The following ZFR2 variants were observed in gnomAD, a reference collection of about 807,000 sequenced individuals.
The protein encoded by ZFR2 is zinc finger RNA-binding protein 2.
Under a neutral mutation model 105.7 loss-of-function variants are expected in ZFR2, and 104 were observed. That is an observed-to-expected ratio of 0.98 (90% CI 0.84 to 1.16). The LOEUF is 1.16. Ranked by LOEUF, ZFR2 falls within the 50% of genes most tolerant of loss-of-function variation. ZFR2 has a pLI of 0.00. For synonymous variants in ZFR2, 634 were observed against 597.7 expected, an observed-to-expected ratio of 1.06 and a Z score of -0.89; for missense variants, 1,425 against 1,355.5, an observed-to-expected ratio of 1.05 and a Z score of -0.80.
rs755593404 is a variant in ZFR2, at chr19:3,820,249, G to T, written c.1673C>A (p.Ala558Glu). The T allele has an allele frequency of 1.3e-5, 20 of 1,548,484 alleles. No individual in the cohort carries two copies. Among genetic ancestry groups the T allele is most frequent in the Non-Finnish European group, 1.7e-5 (20 of 1,146,608 alleles). The change falls in exon 11 of 19, where the codon GCG becomes GAG. Residue 558 changes from alanine (A) to glutamate (E), a missense_variant. Physicochemically the swap from Ala to Glu is moderately radical, Grantham distance 107 (BLOSUM62 -1). Coordinates refer to ENST00000262961, the MANE Select transcript of ZFR2 (RefSeq NM_015174.2). ...EEPPQDVPPH[A>E]PPDWAQPLLM... The stretch of plus-strand genomic sequence containing the variant: ...CAGAGGCTGGGCCCAGTCGGGCGGC[G>T]CGTGGGGCGGCACGTCCTGGGGTGG...
Position 3,838,569 on chromosome 19 carries a change from T to A in ZFR2, c.54-3586A>T, listed in dbSNP as rs1287319660. The stretch of plus-strand genomic sequence containing the variant: ...TCCTGGCAGCCAGAGAGGGGTCTTT[T>A]CAAAGTACAGCCCTAACCATGCCAT... On this transcript the variant is annotated intron_variant, in intron 1 of 18. Coordinates refer to ENST00000262961, the MANE Select transcript of ZFR2 (RefSeq NM_015174.2). The surrounding 1 kb of genome is among the most constrained non-coding windows in gnomAD (Gnocchi z 4.9). Among the ~76,000 whole-genome samples, 1 of 152,020 alleles carries A rather than the reference T, an allele frequency of 6.6e-6. No individual in the cohort carries two copies. The highest frequency in any genetic ancestry group is 1.5e-5 in the Non-Finnish European group (1 of 67,990).
At chr19:3,852,585 A>G in intron 1 of ZFR2, 1 of 718,622 alleles carries the variant, frequency 1.4e-6, no homozygotes, top group Non-Finnish European at 2.6e-6. Flanking sequence ...CCCAGATGCA[A>G]GGGCCGGGGG....
chr19:3,806,035 G>C lies in ZFR2; in HGVS notation c.2734C>G (p.Arg912Gly), dbSNP rs552791449. The C allele has an allele frequency of 1.3e-6, 2 of 1,541,942 alleles. No homozygotes were observed. Among genetic ancestry groups the C allele is most frequent in the South Asian group, 2.4e-5 (2 of 83,478 alleles). Residue 912 changes from arginine (R) to glycine (G), a missense_variant, in exon 19 of 19, where the codon CGG becomes GGG. Arg to Gly is a moderately radical substitution (Grantham distance 125). Transcript: ENST00000262961. ...TCGCCAGGTCCCCGTTGCCTCTTCC[G>C]GAAGCGGGCCCCCAGCCGGTGTCTG... ...PPRHRLGARF[R>G]KRQRGPGEGE...
intron 1 of ZFR2, among the ~76,000 whole-genome samples, chr19:3,849,607 C>G (rs2038215974): frequency 6.6e-6 from 1 of 152,220 alleles, no homozygotes; most frequent in Non-Finnish European, 1.5e-5. Flanking sequence ...AGCTCAATGC[C>G]AGGGCGTAGC....
At chr19:3,822,690 T>G (rs1372356984) in intron 8 of ZFR2, among the ~76,000 whole-genome samples, 1 of 152,132 alleles carries the variant, frequency 6.6e-6, no homozygotes, top group East Asian at 1.9e-4. Flanking sequence ...TGCTCCAGCC[T>G]CGGTGACACA....
chr19:3,839,405 T>A (rs1220317775), intron 1 of ZFR2, among the ~76,000 whole-genome samples: 1 of 151,442 alleles, frequency 6.6e-6, no homozygotes, highest in Non-Finnish European at 1.5e-5. Flanking sequence ...TGGTGGTGGG[T>A]GCCTGTAGTC....
intron 4 of ZFR2, 27 bp from the exon 5 acceptor site, chr19:3,831,583 G>A (rs1467364296): frequency 1.6e-5 from 25 of 1,542,596 alleles, no homozygotes; most frequent in East Asian, 1.4e-4. Flanking sequence ...ACAATGAGTC[G>A]GGGGGAGATG....
chr19:3,862,391 G>A (rs891782755), intron 1 of ZFR2, among the ~76,000 whole-genome samples: 3 of 152,098 alleles, frequency 2.0e-5, no homozygotes, highest in Non-Finnish European at 4.4e-5. Flanking sequence ...TCCACCTCCC[G>A]GATTCAAGCG....
At chr19:3,821,074 C>T (rs972645706) in intron 10 of ZFR2, among the ~76,000 whole-genome samples, 13 of 152,158 alleles carry the variant, frequency 8.5e-5, no homozygotes, top group South Asian at 2.1e-4. Flanking sequence ...TGTGGTCCAG[C>T]GAGTTGGCCG....
Position 3,819,381 on chromosome 19 carries a change from G to A in ZFR2, c.1741-146C>T. On this transcript the variant is annotated intron_variant, in intron 11 of 18. Transcript: ENST00000262961. ...CAGGTGAGAATCCAGTGCACACAGA[G>A]AGCCCCGGGGTGGGGAACAGGGAAG... 9.4e-6 allele frequency: 8 copies of A among 849,808 alleles called. No homozygotes were observed. The South Asian group carries it at 1.5e-4, about 16-fold the overall frequency. The allele number at this position is 849,808 out of a possible 1,614,324, so 52.6% of individuals were successfully genotyped here.
chr19:3,846,072 G>A (rs775506284), intron 1 of ZFR2, among the ~76,000 whole-genome samples: 37 of 152,358 alleles, frequency 2.4e-4, no homozygotes, highest in Non-Finnish European at 4.3e-4. Flanking sequence ...TGCCCCCCAG[G>A]TTCAAGTGAT....
chr19:3,825,457 T>C (rs1409909894), intron 6 of ZFR2, 50 bp from the exon 7 acceptor site: 1 of 1,518,438 alleles, frequency 6.6e-7, no homozygotes, highest in Non-Finnish European at 8.8e-7. Flanking sequence ...CCCAGCCTGA[T>C]GGCCTTTTTC....
chr19:3,864,875 G>A (rs2038412769), intron 1 of ZFR2, among the ~76,000 whole-genome samples: 1 of 152,044 alleles, frequency 6.6e-6, no homozygotes. Context: ...AGCCTCCCAA[G>A]TAGCTAGGAT....
Position 3,819,155 on chromosome 19 carries a change from G to C in ZFR2, c.1821C>G (p.Leu607=). Residue 607 remains leucine (L), a synonymous_variant, in exon 12 of 19, where the codon CTC becomes CTG. Coordinates refer to ENST00000262961, the MANE Select transcript of ZFR2 (RefSeq NM_015174.2). ...HATIYPTEQE[L]LAVQRAVSHA... ...GGGACACGGCCCTCTGCACGGCCAG[G>C]AGCTCCTGCTCCGTGGGGTAGATGG... 1 of 1,606,554 alleles carries C rather than the reference G, an allele frequency of 6.2e-7. No individual in the cohort carries two copies. Among genetic ancestry groups the C allele is most frequent in the Non-Finnish European group, 8.5e-7 (1 of 1,178,692 alleles).
chr19:3,835,490 C>CTT (rs35786970), intron 1 of ZFR2, among the ~76,000 whole-genome samples: 1 of 143,660 alleles, frequency 7.0e-6, no homozygotes. Context: ...CACGCCCAGC[C>CTT]TTTTTTTTTT....
At position 3,810,779 on chromosome 19, in the gene ZFR2, C is replaced by A. The variant is rs1240320381; in HGVS notation, c.2404G>T (p.Val802Leu). 4.5e-6 allele frequency: 7 copies of A among 1,550,050 alleles called. No individual in the cohort carries two copies. Among genetic ancestry groups the A allele is most frequent in the Admixed American group, 2.0e-5 (1 of 50,974 alleles). ...IRVLRDLCRR[V>L]PTWGALPAWA... ...GCTGGCAGGGCCCCCCAGGTGGGCA[C>A]ACGCCGGCAGAGGTCCCTCAGGACC... is the stretch of plus-strand genomic sequence containing the variant. Residue 802 changes from valine (V) to leucine (L), a missense_variant, in exon 16 of 19, where the codon GTG (valine) becomes TTG (leucine). Coordinates refer to ENST00000262961, the MANE Select transcript of ZFR2 (RefSeq NM_015174.2).
At chr19:3,854,205 C>T (rs1230846839) in intron 1 of ZFR2, among the ~76,000 whole-genome samples, 4 of 151,502 alleles carry the variant, frequency 2.6e-5, no homozygotes, top group Non-Finnish European at 5.9e-5. Context: ...GCCTGGCCAA[C>T]ATGGTGAAAC....
chr19:3,820,038 G>A lies in ZFR2; in HGVS notation c.1740+144C>T, dbSNP rs1339958013. ...TGGGGTGCTGGGGCTCCCATCTGTG[G>A]AGTGAGGAGGCCTGGGCCATGGAGC... On this transcript the variant is annotated intron_variant, in intron 11 of 18. Transcript: ENST00000262961. The A allele has an allele frequency of 6.5e-6, 5 of 766,060 alleles. 1 individual carries two copies. Among genetic ancestry groups the A allele is most frequent in the South Asian group, 5.1e-5 (3 of 58,626 alleles). The allele number at this position is 766,060 out of a possible 1,614,324, so 47.5% of individuals were successfully genotyped here.
At chr19:3,849,776 A>G (rs1296285593) in intron 1 of ZFR2, among the ~76,000 whole-genome samples, 3 of 152,216 alleles carry the variant, frequency 2.0e-5, no homozygotes, top group African/African-American at 7.2e-5. Context: ...CTTCTTGTAG[A>G]CAACCCTGAA....
Sources: allele counts gnomAD v4.1 joint callset (sites outside exome capture counted in the v4.1 genomes callset), GRCh38; gene constraint gnomAD v4.1.1; non-coding constraint Gnocchi (gnomAD v3.1); transcripts MANE v1.5; gene names NCBI Gene and HGNC (gene_info 2026-07-23, HGNC 2026-07-21).